MS4A5: variants seen among roughly 807,000 people sequenced by gnomAD.
MS4A5 encodes membrane-spanning 4-domains subfamily A member 5.
Under a neutral mutation model 18.2 loss-of-function variants are expected in MS4A5, and 15 were observed. That is an observed-to-expected ratio of 0.83 (90% CI 0.55 to 1.27). MS4A5 has a LOEUF of 1.27. Among genes scored for constraint, MS4A5 ranks in the 50% most tolerant of loss-of-function variants. The pLI is 0.00. For missense variants in MS4A5, 232 were observed against 225.7 expected (o/e 1.03, Z -0.18); for synonymous variants, 89 against 78.7 (o/e 1.13, Z -0.69).
chr11:60,438,562 A>ATAG (rs1265257857), intron 4 of MS4A5, among the ~76,000 whole-genome samples: 1 of 152,194 alleles, frequency 6.6e-6, no homozygotes, highest in African/African-American at 2.4e-5. Context: ...GAAGAATCAA[A>ATAG]TAGACGCAAT....
chr11:60,434,146 A>T (rs1349028031), intron 4 of MS4A5, among the ~76,000 whole-genome samples: 1 of 152,176 alleles, frequency 6.6e-6, no homozygotes, highest in Admixed American at 6.5e-5. Flanking sequence ...CACAAGAGAT[A>T]AAACATACAC....
At chr11:60,434,679 A>C (rs1443020042) in intron 4 of MS4A5, among the ~76,000 whole-genome samples, 1 of 152,224 alleles carries the variant, frequency 6.6e-6, no homozygotes, top group Non-Finnish European at 1.5e-5. Flanking sequence ...GACATTAAAA[A>C]GCTGAAAGGT....
intron 4 of MS4A5, 55 bp from the exon 5 acceptor site, chr11:60,447,594 G>A (rs1027347367): frequency 1.4e-5 from 14 of 969,308 alleles, no homozygotes; most frequent in African/African-American, 3.4e-5. Context: ...CAGGAAAACC[G>A]TTACTGTGCC....
intron 4 of MS4A5, among the ~76,000 whole-genome samples, chr11:60,435,140 G>A (rs192378339): frequency 6.6e-6 from 1 of 152,150 alleles, no homozygotes; most frequent in Non-Finnish European, 1.5e-5. Context: ...CCTGAATTTG[G>A]TCTTGGTATG....
chr11:60,447,044 A>G (rs1190180218), intron 4 of MS4A5, among the ~76,000 whole-genome samples: 1 of 151,986 alleles, frequency 6.6e-6, no homozygotes, highest in Admixed American at 6.5e-5. Flanking sequence ...ATGCTATGCT[A>G]TGCTATCCCA....
At chr11:60,434,877 T>C (rs1451253960) in intron 4 of MS4A5, among the ~76,000 whole-genome samples, 2 of 152,200 alleles carry the variant, frequency 1.3e-5, no homozygotes, top group African/African-American at 4.8e-5. Flanking sequence ...CCACTCAAAG[T>C]ATAAAGACTT....
chr11:60,447,119 GCTATC>G (rs1190534869), intron 4 of MS4A5, among the ~76,000 whole-genome samples: 1 of 143,656 alleles, frequency 7.0e-6, no homozygotes, highest in Non-Finnish European at 1.5e-5. Context: ...GCTATCCTAT[GCTATC>G]CTATGCTATG....
At chr11:60,447,366 T>TATGCTATGCTATGCA (rs1555014111) in intron 4 of MS4A5, among the ~76,000 whole-genome samples, 4 of 134,836 alleles carry the variant, frequency 3.0e-5, no homozygotes, top group Non-Finnish European at 6.4e-5. Context: ...TATGCTATGC[T>TATGCTATGCTATGCA]ATGCAATGCA....
At chr11:60,445,818 A>G (rs2086135605) in intron 4 of MS4A5, among the ~76,000 whole-genome samples, 1 of 152,232 alleles carries the variant, frequency 6.6e-6, no homozygotes, top group Non-Finnish European at 1.5e-5. Context: ...ACAATGAACT[A>G]ATATTTACAT....
intron 4 of MS4A5, among the ~76,000 whole-genome samples, chr11:60,435,849 TG>T (rs1026021206): frequency 6.6e-6 from 1 of 151,730 alleles, no homozygotes; most frequent in African/African-American, 2.4e-5. Flanking sequence ...GCAGCAAGGC[TG>T]GGGGAGGGGC....
intron 4 of MS4A5, among the ~76,000 whole-genome samples, chr11:60,447,150 C>CTATGT (rs2086143614): frequency 1.2e-5 from 1 of 86,806 alleles, no homozygotes; most frequent in African/African-American, 2.9e-5. Context: ...CTATGCTATG[C>CTATGT]TATCCTATGC....
intron 4 of MS4A5, among the ~76,000 whole-genome samples, chr11:60,442,904 G>A (rs1157553415): frequency 6.6e-6 from 1 of 152,202 alleles, no homozygotes; most frequent in Non-Finnish European, 1.5e-5. Flanking sequence ...ACTTTGGGAG[G>A]CCAAGGTGGG....
chr11:60,429,689 C>T lies in MS4A5; in HGVS notation c.15C>T (p.Thr5=), dbSNP rs778626162. ...CCGACACCATCATGGATTCAAGCAC[C>T]GCACACAGTCCGGTGTTTCTGGTAT... MDSS[T]AHSPVFLVFP... is the part of the protein sequence containing the mutation. Residue 5 remains threonine (T), a synonymous_variant, in exon 1 of 5, where the codon ACC becomes ACT. Coordinates refer to ENST00000300190, the MANE Select transcript of MS4A5 (RefSeq NM_023945.3). 1.4e-5 allele frequency: 23 copies of T among 1,612,670 alleles called. No individual in the cohort carries two copies. The highest frequency in any genetic ancestry group is 3.3e-5 in the South Asian group (3 of 90,744).
chr11:60,430,488 G>A (rs1030924056), intron 1 of MS4A5, among the ~76,000 whole-genome samples: 2 of 152,168 alleles, frequency 1.3e-5, no homozygotes, highest in African/African-American at 4.8e-5. Context: ...GCCTCACCTG[G>A]AGACCGTTCA....
chr11:60,447,360 CT>C (rs1590837217), intron 4 of MS4A5, among the ~76,000 whole-genome samples: 1 of 151,902 alleles, frequency 6.6e-6, no homozygotes, highest in East Asian at 1.9e-4. Flanking sequence ...CTATGCTATG[CT>C]ATGCTATGCA....
intron 4 of MS4A5, among the ~76,000 whole-genome samples, chr11:60,447,312 A>G (rs200113733): frequency 2.6e-3 from 84 of 32,732 alleles, no homozygotes; most frequent in South Asian, 6.1e-3. Flanking sequence ...ATGCTGTGCT[A>G]TGCTATGCTA....
intron 4 of MS4A5, among the ~76,000 whole-genome samples, chr11:60,434,323 C>T (rs990163363): frequency 2.0e-5 from 3 of 152,090 alleles, no homozygotes; most frequent in Non-Finnish European, 4.4e-5. Flanking sequence ...TGAAAAGGGG[C>T]ATTTATTTTA....
intron 4 of MS4A5, among the ~76,000 whole-genome samples, chr11:60,443,742 A>C (rs1259707446): frequency 6.6e-6 from 1 of 152,098 alleles, no homozygotes; most frequent in Admixed American, 6.5e-5. Context: ...AGATATTTAA[A>C]AAGAAAAAAG....
In MS4A5 at chr11:60,432,399, T is replaced by G. The variant is rs1292164872; in HGVS notation, c.283-12T>G. ...ACATGGTCATCATTAACATATTTATTCCTCTTAACAGTTCATTAATTCTGG... is the reference window on the plus strand; with the variant it reads ...ACATGGTCATCATTAACATATTTATGCCTCTTAACAGTTCATTAATTCTGG... On this transcript the variant is annotated splice_polypyrimidine_tract_variant and intron_variant, in intron 2 of 4. Transcript: ENST00000300190. The G allele has an allele frequency of 7.7e-6, 12 of 1,549,024 alleles. No homozygotes were observed. In the South Asian group the frequency reaches 1.4e-4, roughly 18 times the overall value.
Sources: allele counts gnomAD v4.1 joint callset (sites outside exome capture counted in the v4.1 genomes callset), GRCh38; gene constraint gnomAD v4.1.1; transcripts MANE v1.5; gene names NCBI Gene and HGNC (gene_info 2026-07-23, HGNC 2026-07-21).